OPRD1: variants seen among roughly 807,000 people sequenced by gnomAD.
OPRD1 encodes delta-type opioid receptor.
A neutral mutation model predicts 17.5 loss-of-function variants in OPRD1; 19 were observed. The ratio of observed to expected loss-of-function variants is 1.09; its 90% CI spans 0.76 to 1.60. The LOEUF is 1.60. Among genes scored for constraint, OPRD1 ranks in the 40% most tolerant of loss-of-function variants. The pLI is 0.00. For synonymous variants in OPRD1, 256 were observed against 240.9 expected (o/e 1.06, Z -0.58); for missense variants, 483 against 547.2 (o/e 0.88, Z 1.17).
At chr1:28,834,826 A>G (rs758537214) in intron 1 of OPRD1, among the ~76,000 whole-genome samples, 4 of 151,830 alleles carry the variant, frequency 2.6e-5, no homozygotes, top group Non-Finnish European at 5.9e-5. Context: ...CTTCAGAGAA[A>G]CCCCTGACTT....
chr1:28,812,652 G>T (rs2088642324), intron 1 of OPRD1, 42 bp downstream of exon 1: 2 of 1,425,188 alleles, frequency 1.4e-6, no homozygotes, highest in Middle Eastern at 1.9e-4. Context: ...TGGAGCCCGG[G>T]GTGAGGGTGG....
chr1:28,836,057 T>C (rs2088850016), intron 1 of OPRD1, among the ~76,000 whole-genome samples: 1 of 152,192 alleles, frequency 6.6e-6, no homozygotes, highest in South Asian at 2.1e-4. Flanking sequence ...TAACATTCTA[T>C]ATTCTTGATG....
At chr1:28,821,762 G>A (rs556160687) in intron 1 of OPRD1, among the ~76,000 whole-genome samples, 5 of 151,968 alleles carry the variant, frequency 3.3e-5, no homozygotes, top group African/African-American at 9.7e-5. Context: ...GCTGCTGCCC[G>A]GGCATGGTGG....
Position 28,812,485 on chromosome 1 carries a change from G to A in OPRD1, c.102G>A (p.Ala34=), listed in dbSNP as rs550318889. The part of the protein sequence containing the change: ...PSACPSAGAN[A]SGPPGARSAS... ...CCTGCCCCAGCGCTGGCGCCAATGCGTCGGGGCCGCCAGGCGCGCGGAGCG... is the reference window on the plus strand; with the variant it reads ...CCTGCCCCAGCGCTGGCGCCAATGCATCGGGGCCGCCAGGCGCGCGGAGCG... The change falls in exon 1 of 3, where the codon GCG becomes GCA. Residue 34 remains alanine (A), a synonymous_variant. Coordinates refer to ENST00000234961, the MANE Select transcript of OPRD1 (RefSeq NM_000911.4). The A allele has an allele frequency of 2.2e-4, 338 of 1,550,244 alleles. 5 individuals carry two copies. The South Asian group carries it at 3.7e-3, about 17-fold the overall frequency.
In OPRD1 at chr1:28,867,003, CTT is replaced by C. The variant is rs11367439; in HGVS notation, c.*3735_*3736del. On this transcript the variant is annotated 3_prime_UTR_variant, in exon 3 of 3. Coordinates refer to ENST00000234961, the MANE Select transcript of OPRD1 (RefSeq NM_000911.4). ...TTTCAGATCTCTTCTTCTTCATCAT[CTT>C]TTTTTTTTTTTTTTCAGCCAGTGTC... 282 of 134,254 alleles carry C rather than the reference CTT, an allele frequency of 2.1e-3. 3 individuals carry two copies. In the East Asian group the frequency reaches 0.021, roughly 10 times the overall value. 8.3% of individuals were successfully genotyped at this position (134,254 alleles called of 1,614,324 possible).
chr1:28,840,016 C>T (rs2088883099), intron 1 of OPRD1, among the ~76,000 whole-genome samples: 1 of 152,154 alleles, frequency 6.6e-6, no homozygotes, highest in Non-Finnish European at 1.5e-5. Flanking sequence ...ACTCAGGGTT[C>T]CTCCAGTAAG....
intron 1 of OPRD1, among the ~76,000 whole-genome samples, chr1:28,856,250 C>A (rs1310325477): frequency 1.3e-5 from 2 of 152,290 alleles, no homozygotes; most frequent in African/African-American, 2.4e-5. Context: ...CCCTGTCTCT[C>A]CCAAATGGAG....
At chr1:28,843,134 A>G (rs1009176095) in intron 1 of OPRD1, among the ~76,000 whole-genome samples, 20 of 152,096 alleles carry the variant, frequency 1.3e-4, no homozygotes, top group African/African-American at 4.3e-4. Context: ...CAGAAAGGTG[A>G]AGTGACTTGC....
intron 1 of OPRD1, among the ~76,000 whole-genome samples, chr1:28,844,308 C>G (rs1271593248): frequency 6.6e-6 from 1 of 151,666 alleles, no homozygotes; most frequent in Admixed American, 6.6e-5. Flanking sequence ...GGGAAATATT[C>G]AAGACAGGGT....
rs1294906273 is a variant in OPRD1 at position 28,859,258 on chromosome 1, G to A, written c.532G>A (p.Gly178Ser). The A allele has an allele frequency of 3.7e-6, 6 of 1,614,068 alleles. No individual in the cohort carries two copies. The African/African-American group carries it at 6.7e-5, about 18-fold the overall frequency. Reference sequence around the variant, plus strand: ...CATCTGTATCTGGGTCCTGGCCTCAGGCGTTGGCGTGCCCATCATGGTCAT... The same window carrying A: ...CATCTGTATCTGGGTCCTGGCCTCAAGCGTTGGCGTGCCCATCATGGTCAT... Reference protein sequence around the residue: ...INICIWVLASGVGVPIMVMAV... With the variant: ...INICIWVLASSVGVPIMVMAV... The change falls in exon 2 of 3, where the codon GGC (glycine) becomes AGC (serine). Residue 178 changes from glycine to serine, a missense_variant. Coordinates refer to ENST00000234961, the MANE Select transcript of OPRD1 (RefSeq NM_000911.4).
rs540046077 is a variant in OPRD1 at position 28,865,969 on chromosome 1, C to G, written c.*2686C>G. On this transcript the variant is annotated 3_prime_UTR_variant, in exon 3 of 3. Coordinates refer to ENST00000234961, the MANE Select transcript of OPRD1 (RefSeq NM_000911.4). ...TCACTGCCATCTCCTGTGTCTGTAA[C>G]AGATCTGGCTGTTTTTTGCCCCTTC... is the stretch of plus-strand genomic sequence containing the variant. 18 of 152,376 alleles carry G rather than the reference C, an allele frequency of 1.2e-4. No homozygotes were observed. The highest frequency in any genetic ancestry group is 4.1e-4 in the African/African-American group (17 of 41,584). The allele number at this position is 152,376 out of a possible 1,614,324, so 9.4% of individuals were successfully genotyped here. A position where few individuals can be genotyped will look rare whatever the true frequency, so the allele number is the denominator to read the frequency against.
chr1:28,851,547 T>G (rs923976703), intron 1 of OPRD1, among the ~76,000 whole-genome samples: 2 of 152,046 alleles, frequency 1.3e-5, no homozygotes, highest in Non-Finnish European at 2.9e-5. Flanking sequence ...GCGCAGCTGG[T>G]GTAGAATAGA....
chr1:28,863,286 A>G lies in OPRD1; in HGVS notation c.*3A>G. On this transcript the variant is annotated 3_prime_UTR_variant, in exon 3 of 3. Transcript: ENST00000234961. ...CCGGCGGTGGCGCTGCCGCCTGACC[A>G]GGCCATCCGGCCCCCAGAGCGCCCC... is the stretch of plus-strand genomic sequence containing the variant. The G allele has an allele frequency of 7.0e-7, 1 of 1,427,582 alleles. No individual in the cohort carries two copies. Among genetic ancestry groups the G allele is most frequent in the South Asian group, 1.5e-5 (1 of 66,264 alleles). 88.4% of individuals were successfully genotyped at this position (1,427,582 alleles called of 1,614,324 possible).
intron 1 of OPRD1, among the ~76,000 whole-genome samples, chr1:28,841,344 G>T (rs964780907): frequency 6.6e-6 from 1 of 152,242 alleles, no homozygotes; most frequent in African/African-American, 2.4e-5. Context: ...CCGGCCCCTT[G>T]CCATGGCCAA....
chr1:28,845,116 G>T (rs1460063261), intron 1 of OPRD1, among the ~76,000 whole-genome samples: 1 of 151,664 alleles, frequency 6.6e-6, no homozygotes, highest in East Asian at 1.9e-4. Flanking sequence ...AGGCCAAGGC[G>T]GGCAGATCAC....
At chr1:28,834,326 C>T (rs994266533) in intron 1 of OPRD1, among the ~76,000 whole-genome samples, 3 of 151,548 alleles carry the variant, frequency 2.0e-5, no homozygotes, top group Non-Finnish European at 2.9e-5. Context: ...AATCCTGTTT[C>T]GTAGCTTAGT....
chr1:28,849,416 A>G (rs1050761254), intron 1 of OPRD1, among the ~76,000 whole-genome samples: 1 of 152,182 alleles, frequency 6.6e-6, no homozygotes, highest in African/African-American at 2.4e-5. Flanking sequence ...CATGTGCCTC[A>G]GTGTAAAAGC....
Position 28,859,238 on chromosome 1 carries a change from G to T in OPRD1, c.512G>T (p.Cys171Phe). Reference protein sequence around the residue: ...TPAKAKLINICIWVLASGVGV... With the variant: ...TPAKAKLINIFIWVLASGVGV... ...GCCAAGGCCAAGCTGATCAACATCT[G>T]TATCTGGGTCCTGGCCTCAGGCGTT... is the stretch of plus-strand genomic sequence containing the variant. Residue 171 changes from cysteine (C) to phenylalanine (F), a missense_variant, in exon 2 of 3, where the codon TGT becomes TTT. Transcript: ENST00000234961. The T allele has an allele frequency of 6.2e-7, 1 of 1,614,240 alleles. No homozygotes were observed. Among genetic ancestry groups the T allele is most frequent in the Non-Finnish European group, 8.5e-7 (1 of 1,180,048 alleles).
chr1:28,843,486 A>G (rs971474907), intron 1 of OPRD1, among the ~76,000 whole-genome samples: 5 of 152,058 alleles, frequency 3.3e-5, no homozygotes, highest in Admixed American at 1.3e-4. Flanking sequence ...TTCTGCCTCT[A>G]TGACTGTGAC....
Sources: allele counts gnomAD v4.1 joint callset (sites outside exome capture counted in the v4.1 genomes callset), GRCh38; gene constraint gnomAD v4.1.1; transcripts MANE v1.5; gene names NCBI Gene and HGNC (gene_info 2026-07-23, HGNC 2026-07-21).